The following AUTS2 variants were observed in gnomAD, a reference collection of about 807,000 sequenced individuals.
AUTS2 encodes the protein activator of transcription and developmental regulator AUTS2, also known as autism susceptibility gene 2 protein.
AUTS2 carries 17 observed loss-of-function variants against 112.4 expected under a neutral mutation model. The observed-to-expected ratio is 0.15, with a 90% CI of 0.10 to 0.23. AUTS2 has a LOEUF of 0.23. AUTS2 is among the 10% of genes least tolerant of loss of function. The pLI is 1.00. For synonymous variants in AUTS2, 751 were observed against 702.7 expected (o/e 1.07, Z -1.09); for missense variants, 1,510 against 1,701.6 (o/e 0.89, Z 1.98).
intron 2 of AUTS2, among the ~76,000 whole-genome samples, chr7:70,059,466 G>A (rs748436127): frequency 1.3e-5 from 2 of 152,122 alleles, no homozygotes; most frequent in East Asian, 1.9e-4. Context: ...ACATTTATGC[G>A]CAGATTTCTG....
intron 1 of AUTS2, among the ~76,000 whole-genome samples, chr7:69,810,208 G>A (rs772986625): frequency 1.3e-5 from 2 of 152,200 alleles, no homozygotes; most frequent in South Asian, 2.1e-4. Context: ...TAAGAGTGCC[G>A]GCGTCAGAGC....
chr7:70,579,053 C>T (rs566920166), intron 5 of AUTS2, among the ~76,000 whole-genome samples: 1 of 150,198 alleles, frequency 6.7e-6, no homozygotes, highest in African/African-American at 2.4e-5. Context: ...CTCAGCCTCT[C>T]GAATAGTTGG....
intron 4 of AUTS2, among the ~76,000 whole-genome samples, chr7:70,152,811 ATATAT>A (rs1249483777): frequency 3.9e-5 from 6 of 152,180 alleles, no homozygotes; most frequent in Non-Finnish European, 8.8e-5. Context: ...GTATATAGTA[ATATAT>A]TATTACACAC....
At chr7:70,478,027 G>T (rs1396386881) in intron 5 of AUTS2, among the ~76,000 whole-genome samples, 1 of 152,154 alleles carries the variant, frequency 6.6e-6, no homozygotes, top group African/African-American at 2.4e-5. Context: ...TGCTGTGACT[G>T]TCCACAGCAA....
At chr7:70,044,581 A>G (rs1220113995) in intron 2 of AUTS2, among the ~76,000 whole-genome samples, 1 of 152,182 alleles carries the variant, frequency 6.6e-6, no homozygotes, top group Non-Finnish European at 1.5e-5. Context: ...ATTAATTTTT[A>G]CATTTTCAAG....
At chr7:70,047,381 G>A (rs1554435750) in intron 2 of AUTS2, among the ~76,000 whole-genome samples, 2 of 152,146 alleles carry the variant, frequency 1.3e-5, no homozygotes, top group South Asian at 2.1e-4. Context: ...ATATATTGTA[G>A]TACAGCACAG....
At chr7:69,803,202 TACTTGGA>T (rs562598287) in intron 1 of AUTS2, among the ~76,000 whole-genome samples, 5 of 152,326 alleles carry the variant, frequency 3.3e-5, no homozygotes, top group African/African-American at 1.2e-4. Context: ...GGAATTGCTT[TACTTGGA>T]ATACTGTAGT....
At chr7:70,228,702 A>C (rs1811896174) in intron 4 of AUTS2, among the ~76,000 whole-genome samples, 1 of 151,916 alleles carries the variant, frequency 6.6e-6, no homozygotes. Flanking sequence ...TCTGTGCAGT[A>C]GTATGCACAA....
intron 4 of AUTS2, among the ~76,000 whole-genome samples, chr7:70,395,990 G>A (rs1294346672): frequency 6.6e-6 from 1 of 152,092 alleles, no homozygotes; most frequent in African/African-American, 2.4e-5. Flanking sequence ...AAAGTTAAAG[G>A]AAAAAGTCAT....
intron 1 of AUTS2, among the ~76,000 whole-genome samples, chr7:69,740,235 C>T (rs1183111243): frequency 6.6e-6 from 1 of 152,054 alleles, no homozygotes; most frequent in Non-Finnish European, 1.5e-5. Context: ...TTGGCTGTAG[C>T]TTTTGATCAG....
intron 4 of AUTS2, among the ~76,000 whole-genome samples, chr7:70,144,996 G>A (rs1807056754): frequency 6.6e-6 from 1 of 152,076 alleles, no homozygotes; most frequent in South Asian, 2.1e-4. Context: ...ATTCTGTCAT[G>A]TCATATATTG....
At chr7:70,051,015 A>G (rs1312855898) in intron 2 of AUTS2, among the ~76,000 whole-genome samples, 1 of 152,194 alleles carries the variant, frequency 6.6e-6, no homozygotes, top group Non-Finnish European at 1.5e-5. Context: ...TCAATCAATT[A>G]TTATTCATAA....
intron 5 of AUTS2, among the ~76,000 whole-genome samples, chr7:70,471,502 AT>A: frequency 6.6e-6 from 1 of 152,172 alleles, no homozygotes. Context: ...CCTCAAAATC[AT>A]TTTATCAACC....
chr7:70,171,633 A>T (rs1808693257), intron 4 of AUTS2, among the ~76,000 whole-genome samples: 1 of 152,232 alleles, frequency 6.6e-6, no homozygotes, highest in East Asian at 1.9e-4. Context: ...CACGGGCTTT[A>T]GTCAAATTTG....
intron 4 of AUTS2, among the ~76,000 whole-genome samples, chr7:70,276,333 A>C (rs1189189351): frequency 1.3e-5 from 2 of 152,036 alleles, no homozygotes; most frequent in African/African-American, 4.8e-5. Context: ...ATGTAGTCTA[A>C]TTTAAGTAGT....
chr7:70,014,695 T>TG (rs1347422479), intron 2 of AUTS2, among the ~76,000 whole-genome samples: 1 of 152,238 alleles, frequency 6.6e-6, no homozygotes, highest in East Asian at 1.9e-4. Flanking sequence ...CACGTAGACA[T>TG]GCACACCTCT....
At chr7:69,929,117 T>C (rs957865016) in intron 2 of AUTS2, among the ~76,000 whole-genome samples, 3 of 152,218 alleles carry the variant, frequency 2.0e-5, no homozygotes, top group Admixed American at 1.3e-4. Flanking sequence ...TTTGCCTTTG[T>C]TTTCAAAATT....
intron 18 of AUTS2, among the ~76,000 whole-genome samples, chr7:70,787,950 T>G (rs1791622116): frequency 6.6e-6 from 1 of 152,166 alleles, no homozygotes; most frequent in South Asian, 2.1e-4. Flanking sequence ...TTTACTCACA[T>G]AGATGTAGAG....
rs1049662139 is a variant in AUTS2, at chr7:70,274,996, A to G, written c.660+140425A>G. Among the ~76,000 whole-genome samples the G allele has an allele frequency of 3.9e-5, 6 of 152,246 alleles. 1 individual carries two copies. The Middle Eastern group carries it at 9.5e-3, about 241-fold the overall frequency. On this transcript the variant is annotated intron_variant, in intron 4 of 18. Transcript: ENST00000342771. ...TAAAAAGTGGAAACAGTCCACATGT[A>G]TATCAGTTTGTAAATGAATAAATAA...
Sources: gnomAD v4.1 joint callset for allele counts (sites outside exome capture counted in the v4.1 genomes callset) on GRCh38, gnomAD v4.1.1 for gene constraint, MANE v1.5 for transcripts, NCBI Gene and HGNC (gene_info 2026-07-23, HGNC 2026-07-21) for gene names.